The following DGKG variants were observed in gnomAD, a reference collection of about 807,000 sequenced individuals.
The protein encoded by DGKG is DAG kinase gamma.
In DGKG, 78 loss-of-function variants were observed where a neutral mutation model predicts 105.3. The observed-to-expected ratio is 0.74, with a 90% CI of 0.62 to 0.89. The LOEUF (loss-of-function observed/expected upper bound fraction) is 0.89. Ranked by LOEUF, DGKG falls within the 40% of genes least tolerant of loss-of-function variation. The probability of loss-of-function intolerance (pLI) is 0.00; values close to 1 mark genes in which losing one functional copy is unlikely to be tolerated. For missense variants in DGKG, 958 were observed against 1,020.1 expected (o/e 0.94, Z 0.83); for synonymous variants, 346 against 367.1 (o/e 0.94, Z 0.66).
intron 9 of DGKG, among the ~76,000 whole-genome samples, chr3:186,276,503 T>C (rs1468235940): frequency 6.6e-6 from 1 of 152,234 alleles, no homozygotes; most frequent in African/African-American, 2.4e-5. Flanking sequence ...ATAATCAAGA[T>C]GAAAGAGTTT....
At chr3:186,156,040 C>T (rs1716020250) in intron 24 of DGKG, among the ~76,000 whole-genome samples, 1 of 149,860 alleles carries the variant, frequency 6.7e-6, no homozygotes, top group African/African-American at 2.5e-5. Flanking sequence ...TTCTTTATAC[C>T]TTGTGAGAAT....
intron 21 of DGKG, among the ~76,000 whole-genome samples, chr3:186,211,435 C>T (rs2108520262): frequency 6.6e-6 from 1 of 152,300 alleles, no homozygotes; most frequent in South Asian, 2.1e-4. Flanking sequence ...TTTTACCAGG[C>T]TTGGGACATT....
intron 3 of DGKG, among the ~76,000 whole-genome samples, chr3:186,303,616 G>A (rs111306215): frequency 9.2e-5 from 14 of 152,258 alleles, no homozygotes; most frequent in African/African-American, 1.9e-4. Flanking sequence ...ATCATAAAGC[G>A]TGTGGCAGAG....
At chr3:186,287,353 C>T (rs1047116109) in intron 6 of DGKG, among the ~76,000 whole-genome samples, 1 of 152,158 alleles carries the variant, frequency 6.6e-6, no homozygotes, top group Non-Finnish European at 1.5e-5. Context: ...GAATTTGCTT[C>T]AAGATACTCT....
At chr3:186,312,497 C>T (rs944483251) in intron 2 of DGKG, among the ~76,000 whole-genome samples, 1 of 152,152 alleles carries the variant, frequency 6.6e-6, no homozygotes, top group African/African-American at 2.4e-5. Flanking sequence ...CTGGGGCTGA[C>T]TGCTGAGGCT....
chr3:186,155,409 G>T (rs900544960), intron 24 of DGKG, among the ~76,000 whole-genome samples: 2 of 152,106 alleles, frequency 1.3e-5, no homozygotes, highest in South Asian at 2.1e-4. Context: ...GGCCAGGCTG[G>T]TCTTGAACTC....
intron 10 of DGKG, 81 bp downstream of exon 10, chr3:186,275,466 A>G (rs1003566534): frequency 8.1e-7 from 1 of 1,237,320 alleles, no homozygotes; most frequent in Non-Finnish European, 1.2e-6. Flanking sequence ...AAATACCAAC[A>G]TTTTCTCTGC....
chr3:186,305,667 C>A (rs1227576000), intron 3 of DGKG, among the ~76,000 whole-genome samples: 1 of 152,126 alleles, frequency 6.6e-6, no homozygotes, highest in East Asian at 1.9e-4. Context: ...TTGCAATAAT[C>A]TGGGCAAAAT....
intron 1 of DGKG, among the ~76,000 whole-genome samples, chr3:186,331,119 C>G (rs1338429268): frequency 6.6e-6 from 1 of 152,192 alleles, no homozygotes; most frequent in Non-Finnish European, 1.5e-5. Context: ...AGCCAAATAT[C>G]CTTCACAAAC....
intron 15 of DGKG, 57 bp from the exon 16 acceptor site, chr3:186,260,570 C>T (rs1393903529): frequency 1.3e-5 from 17 of 1,344,500 alleles, no homozygotes; most frequent in South Asian, 6.1e-5. Context: ...AATATGTCAT[C>T]GTGAGAAGTC....
chr3:186,225,170 T>C (rs1355342900), intron 20 of DGKG, among the ~76,000 whole-genome samples: 1 of 152,010 alleles, frequency 6.6e-6, no homozygotes, highest in African/African-American at 2.4e-5. Context: ...ATTATATTAA[T>C]AGTTCCCTGT....
At chr3:186,296,025 C>A (rs1034614275) in intron 5 of DGKG, among the ~76,000 whole-genome samples, 1 of 151,668 alleles carries the variant, frequency 6.6e-6, no homozygotes, top group Non-Finnish European at 1.5e-5. Flanking sequence ...ACAAGAATAG[C>A]TTGAACCTGG....
At chr3:186,185,958 C>T (rs965108521) in intron 22 of DGKG, among the ~76,000 whole-genome samples, 2 of 151,748 alleles carry the variant, frequency 1.3e-5, no homozygotes, top group South Asian at 2.1e-4. Flanking sequence ...AGTAGCCGGG[C>T]GTGATGGTGC....
intron 2 of DGKG, among the ~76,000 whole-genome samples, chr3:186,314,092 T>C (rs773687995): frequency 6.6e-6 from 1 of 152,116 alleles, no homozygotes; most frequent in Non-Finnish European, 1.5e-5. Flanking sequence ...TATTTCCTAA[T>C]AGCACAATTT....
At chr3:186,328,701 G>A (rs981637134) in intron 1 of DGKG, among the ~76,000 whole-genome samples, 1 of 150,582 alleles carries the variant, frequency 6.6e-6, no homozygotes, top group East Asian at 2.0e-4. Context: ...TCAGCCTCCC[G>A]AGTAGCTGGG....
chr3:186,252,129 T>C (rs577755951), intron 18 of DGKG, among the ~76,000 whole-genome samples: 1 of 150,474 alleles, frequency 6.6e-6, no homozygotes, highest in Admixed American at 6.6e-5. Flanking sequence ...GGGGAGGGAG[T>C]GGGTGCTAGC....
intron 2 of DGKG, among the ~76,000 whole-genome samples, chr3:186,312,329 G>T (rs1724594682): frequency 6.6e-6 from 1 of 152,186 alleles, no homozygotes; most frequent in Admixed American, 6.5e-5. Context: ...ACTGTAATGT[G>T]CGTATGAGTC....
Position 186,279,835 on chromosome 3 carries a change from C to T in DGKG, c.792+16G>A. 6.2e-7 allele frequency: 1 copy of T among 1,611,060 alleles called. No homozygotes were observed. The highest frequency in any genetic ancestry group is 8.5e-7 in the Non-Finnish European group (1 of 1,178,846). ...TGAATGGCAAGAGATCTCTGAACTC[C>T]AGCTTGTTGACTTACAGAGTCATCC... On this transcript the variant is annotated intron_variant, in intron 9 of 24. Coordinates refer to ENST00000265022, the MANE Select transcript of DGKG (RefSeq NM_001346.3).
intron 22 of DGKG, among the ~76,000 whole-genome samples, chr3:186,170,759 T>C (rs1014766042): frequency 2.0e-5 from 3 of 152,310 alleles, no homozygotes; most frequent in East Asian, 3.9e-4. Flanking sequence ...CAACTCCCAA[T>C]GGTCAGTCTA....
Sources: allele counts gnomAD v4.1 joint callset (sites outside exome capture counted in the v4.1 genomes callset), GRCh38; gene constraint gnomAD v4.1.1; transcripts MANE v1.5; gene names NCBI Gene and HGNC (gene_info 2026-07-23, HGNC 2026-07-21).